RPS6KA2: variants seen among roughly 807,000 people sequenced by gnomAD.
RPS6KA2 encodes ribosomal protein S6 kinase alpha-2.
Under a neutral mutation model 91.8 loss-of-function variants are expected in RPS6KA2, and 42 were observed. The ratio of observed to expected loss-of-function variants is 0.46; its 90% CI spans 0.36 to 0.59. RPS6KA2 has a LOEUF of 0.59. Among genes scored for constraint, RPS6KA2 ranks in the 20% least tolerant of loss-of-function variants. The pLI is 0.00. For missense variants in RPS6KA2, 798 were observed against 978.5 expected (o/e 0.82, Z 2.46); for synonymous variants, 414 against 393.6 (o/e 1.05, Z -0.61).
rs549130829 is a variant in RPS6KA2, at chr6:166,737,282, G to A, written c.123+120918C>T. Among the ~76,000 whole-genome samples, 4 of 152,252 alleles carry A rather than the reference G, an allele frequency of 2.6e-5. No individual in the cohort carries two copies. Among genetic ancestry groups the A allele is most frequent in the African/African-American group, 7.2e-5 (3 of 41,544 alleles). On this transcript the variant is annotated intron_variant, in intron 2 of 21. Transcript: ENST00000503859. The surrounding 1 kb of genome is among the most constrained non-coding windows in gnomAD (Gnocchi z 4.3). ...CAAATAAATCTGCAAGGCTATTGGC[G>A]TCTCTCCCTAATAAATCGTGTGGCT...
Position 166,581,604 on chromosome 6 carries a change from T to G in RPS6KA2, c.100-42820A>C, listed in dbSNP as rs139826512. On this transcript the variant is annotated intron_variant, in intron 1 of 20. Coordinates refer to ENST00000265678, the MANE Select transcript of RPS6KA2 (RefSeq NM_021135.6). ...GGGGCAGTGGGTGGGTATTTCGCTG[T>G]GTCCATTTTCCTTATATTCACTTTC... is the stretch of plus-strand genomic sequence containing the variant. 2.9e-3 allele frequency among the ~76,000 whole-genome samples: 442 copies of G among 152,274 alleles called. 1 individual carries two copies. The highest frequency in any genetic ancestry group is 9.3e-3 in the African/African-American group (387 of 41,560).
chr6:166,631,361 G>T (rs1230344461), upstream of RPS6KA2, among the ~76,000 whole-genome samples: 1 of 152,116 alleles, frequency 6.6e-6, no homozygotes, highest in Non-Finnish European at 1.5e-5. Context: ...AACCACATTG[G>T]GTTTCAAGCT....
chr6:166,506,724 T>G (rs1782240956), intron 5 of RPS6KA2, among the ~76,000 whole-genome samples: 1 of 152,108 alleles, frequency 6.6e-6, no homozygotes, highest in South Asian at 2.1e-4. Context: ...CTGCCTTGGT[T>G]TACTGTTCAT....
In RPS6KA2 at chr6:166,605,771, G is replaced by C. The variant is rs924212816; in HGVS notation, c.99+21150C>G. On this transcript the variant is annotated intron_variant, in intron 1 of 20. Coordinates refer to ENST00000265678, the MANE Select transcript of RPS6KA2 (RefSeq NM_021135.6). ...CAAAGGTGACATCAAAATAAAAATA[G>C]CACACAAATTTTATGGAAAAGAGCA... Among the ~76,000 whole-genome samples the C allele has an allele frequency of 2.6e-5, 4 of 152,164 alleles. 1 individual carries two copies. Among genetic ancestry groups the C allele is most frequent in the African/African-American group, 9.7e-5 (4 of 41,430 alleles).
Position 166,508,374 on chromosome 6 carries a change from A to G in RPS6KA2, c.380-92T>C, listed in dbSNP as rs1339246278. The G allele has an allele frequency of 1.3e-5, 11 of 828,862 alleles. No homozygotes were observed. In the African/African-American group the frequency reaches 1.8e-4, roughly 14 times the overall value. The allele number at this position is 828,862 out of a possible 1,614,324, so 51.3% of individuals were successfully genotyped here. A position where few individuals can be genotyped will look rare whatever the true frequency, so the allele number is the denominator to read the frequency against. ...CTTCTCCCTGCTCACGGTGCTGCTT[A>G]CTCCGGGAGGCTGAGTCACTTGAGA... On this transcript the variant is annotated intron_variant, in intron 4 of 20. Coordinates refer to ENST00000265678, the MANE Select transcript of RPS6KA2 (RefSeq NM_021135.6). The surrounding 1 kb of genome is among the most constrained non-coding windows in gnomAD (Gnocchi z 4.3).
chr6:166,682,415 C>G (rs1011883167), intron 2 of RPS6KA2, among the ~76,000 whole-genome samples: 1 of 152,128 alleles, frequency 6.6e-6, no homozygotes, highest in African/African-American at 2.4e-5. Flanking sequence ...CCTACTTCAT[C>G]GGAGCCTAGA....
At chr6:166,721,917 T>A (rs1382996095) in intron 2 of RPS6KA2, among the ~76,000 whole-genome samples, 1 of 152,218 alleles carries the variant, frequency 6.6e-6, no homozygotes, top group Non-Finnish European at 1.5e-5. Context: ...ATTCCTATCA[T>A]GCTTCCTCGC....
At position 166,495,526 on chromosome 6, in the gene RPS6KA2, G is replaced by A. The variant is rs1781755278; in HGVS notation, c.747+2982C>T. ...TCTTCACACTCCAGGGACAGGGAGG[G>A]TGGGGACTCCAGGATGGGTGAAGGC... On this transcript the variant is annotated intron_variant, in intron 8 of 20. Coordinates refer to ENST00000265678, the MANE Select transcript of RPS6KA2 (RefSeq NM_021135.6). The surrounding 1 kb of genome is among the most constrained non-coding windows in gnomAD (Gnocchi z 4.4). Among the ~76,000 whole-genome samples, 1 of 152,144 alleles carries A rather than the reference G, an allele frequency of 6.6e-6. No individual in the cohort carries two copies. The highest frequency in any genetic ancestry group is 2.4e-5 in the African/African-American group (1 of 41,412).
At chr6:166,688,355 A>G (rs971988420) in intron 2 of RPS6KA2, among the ~76,000 whole-genome samples, 33 of 152,030 alleles carry the variant, frequency 2.2e-4, no homozygotes, top group African/African-American at 8.0e-4. Flanking sequence ...CTCAACCTCA[A>G]TTTCCCACTC....
At chr6:166,810,824 C>T (rs369477737) in intron 2 of RPS6KA2, among the ~76,000 whole-genome samples, 108 of 152,288 alleles carry the variant, frequency 7.1e-4, no homozygotes, top group African/African-American at 2.6e-3. Flanking sequence ...GAATAAGCTG[C>T]CTCTTTCTGA....
At chr6:166,659,954 T>C (rs1327846443) in intron 2 of RPS6KA2, among the ~76,000 whole-genome samples, 1 of 151,836 alleles carries the variant, frequency 6.6e-6, no homozygotes, top group African/African-American at 2.4e-5. Flanking sequence ...ACACAAGGTC[T>C]CTATGTTGCC....
rs563039929 is a variant in RPS6KA2, at chr6:166,564,452, C to A, written c.100-25668G>T. 2.0e-5 allele frequency among the ~76,000 whole-genome samples: 3 copies of A among 152,286 alleles called. No homozygotes were observed. In the East Asian group the frequency reaches 5.8e-4, roughly 30 times the overall value. ...CTGCCACTCACAAGCAGCTTCTGTG[C>A]CGCTCTTCCAAATTACCCTGAAGAC... On this transcript the variant is annotated intron_variant, in intron 1 of 20. Coordinates refer to ENST00000265678, the MANE Select transcript of RPS6KA2 (RefSeq NM_021135.6).
rs1788184997 is a variant in RPS6KA2 at position 166,662,366 on chromosome 6, G to A, written c.124-123582C>T. ...AAAGGACGTATTTGATGCAGGGGTG[G>A]TAAGAGATGGGTTGGCGCAGGAGGT... On this transcript the variant is annotated intron_variant, in intron 2 of 21. Coordinates refer to the RPS6KA2 transcript ENST00000503859. The surrounding 1 kb of genome is among the most constrained non-coding windows in gnomAD (Gnocchi z 4.3). Among the ~76,000 whole-genome samples the A allele has an allele frequency of 6.6e-6, 1 of 152,154 alleles. No homozygotes were observed. Among genetic ancestry groups the A allele is most frequent in the South Asian group, 2.1e-4 (1 of 4,836 alleles).
In RPS6KA2 at chr6:166,821,076, T is replaced by C. The variant is rs1289788177; in HGVS notation, c.123+37124A>G. Among the ~76,000 whole-genome samples, 2 of 152,150 alleles carry C rather than the reference T, an allele frequency of 1.3e-5. No homozygotes were observed. Among genetic ancestry groups the C allele is most frequent in the African/African-American group, 2.4e-5 (1 of 41,436 alleles). On this transcript the variant is annotated intron_variant, in intron 2 of 21. Transcript: ENST00000503859. The surrounding 1 kb of genome is among the most constrained non-coding windows in gnomAD (Gnocchi z 4.1). ...GGGTCCAGGGCTATAGGGATTTGGA[T>C]ATTGAATTAGGTTACCATATTTTGT...
intron 2 of RPS6KA2, among the ~76,000 whole-genome samples, chr6:166,723,107 T>A (rs1046639485): frequency 2.0e-5 from 3 of 152,168 alleles, no homozygotes; most frequent in African/African-American, 7.2e-5. Flanking sequence ...TGTCAACAAG[T>A]CAGGGCAGAT....
At chr6:166,581,757 G>T (rs560320235) in intron 1 of RPS6KA2, among the ~76,000 whole-genome samples, 1 of 147,316 alleles carries the variant, frequency 6.8e-6, no homozygotes, top group African/African-American at 2.5e-5. Flanking sequence ...GGGCAGGAGG[G>T]CACGGGGAGA....
At chr6:166,506,375 A>G (rs1782226600) in intron 5 of RPS6KA2, among the ~76,000 whole-genome samples, 1 of 152,178 alleles carries the variant, frequency 6.6e-6, no homozygotes, top group Non-Finnish European at 1.5e-5. Context: ...CAGGCGTGTC[A>G]TAGCAGCTGC....
chr6:166,787,180 G>A (rs139427527), intron 2 of RPS6KA2, among the ~76,000 whole-genome samples: 1 of 152,150 alleles, frequency 6.6e-6, no homozygotes, highest in Non-Finnish European at 1.5e-5. Flanking sequence ...CAAAGATAAA[G>A]ACTGATGTAT....
At chr6:166,714,831 C>T (rs993158721) in intron 2 of RPS6KA2, among the ~76,000 whole-genome samples, 2 of 152,212 alleles carry the variant, frequency 1.3e-5, no homozygotes, top group African/African-American at 4.8e-5. Context: ...TTTACCACAG[C>T]CCCAGGACAC....
Sources: gnomAD v4.1 joint callset for allele counts (sites outside exome capture counted in the v4.1 genomes callset) on GRCh38, gnomAD v4.1.1 for gene constraint, Gnocchi (gnomAD v3.1) non-coding constraint, MANE v1.5 for transcripts, NCBI Gene and HGNC (gene_info 2026-07-23, HGNC 2026-07-21) for gene names.